The following TMEM132D variants were observed in gnomAD, a reference collection of about 807,000 sequenced individuals.
The protein encoded by TMEM132D is transmembrane protein 132D, also known as mature OL transmembrane protein.
In TMEM132D, 21 loss-of-function variants were observed where a neutral mutation model predicts 62.3. The ratio of observed to expected loss-of-function variants is 0.34; its 90% CI spans 0.24 to 0.49. The LOEUF is 0.49. Among genes scored for constraint, TMEM132D ranks in the 20% least tolerant of loss-of-function variants. The pLI is 0.99. For missense variants in TMEM132D, 1,346 were observed against 1,402.8 expected, an observed-to-expected ratio of 0.96 and a Z score of 0.65; for synonymous variants, 621 against 575.6, an observed-to-expected ratio of 1.08 and a Z score of -1.13.
At chr12:129,766,110 A>T (rs755387790) in intron 1 of TMEM132D, among the ~76,000 whole-genome samples, 30 of 152,022 alleles carry the variant, frequency 2.0e-4, no homozygotes, top group Non-Finnish European at 2.8e-4. Context: ...TCCTTCCTAC[A>T]CATTGTCCAG....
At chr12:129,634,736 T>C (rs993375597) in intron 2 of TMEM132D, among the ~76,000 whole-genome samples, 2 of 152,178 alleles carry the variant, frequency 1.3e-5, no homozygotes, top group African/African-American at 2.4e-5. Context: ...GTTATTTTGT[T>C]TTATAGAAAA....
chr12:129,436,651 G>A (rs1219533699), intron 3 of TMEM132D, among the ~76,000 whole-genome samples: 1 of 152,190 alleles, frequency 6.6e-6, no homozygotes, highest in Non-Finnish European at 1.5e-5. Flanking sequence ...TGAATTAGAT[G>A]CCTTTGTATC....
rs563451612 is a variant in TMEM132D, at chr12:129,314,256, G to A, written c.1299+23378C>T. Among the ~76,000 whole-genome samples, 41 of 152,222 alleles carry A rather than the reference G, an allele frequency of 2.7e-4. 1 individual carries two copies. The South Asian group carries it at 7.9e-3, about 29-fold the overall frequency. On this transcript the variant is annotated intron_variant, in intron 4 of 8. Coordinates refer to ENST00000422113, the MANE Select transcript of TMEM132D (RefSeq NM_133448.3). ...GAACTTCTGTAGTTTCAGGTCTTAG[G>A]TTTAAGTCCTTAATCCATCCTGAGT...
chr12:129,244,319 G>C (rs1415983843), intron 4 of TMEM132D, among the ~76,000 whole-genome samples: 1 of 149,788 alleles, frequency 6.7e-6, no homozygotes, highest in East Asian at 2.0e-4. Flanking sequence ...CCGGGAGGCG[G>C]AGCTTGCAGT....
intron 3 of TMEM132D, among the ~76,000 whole-genome samples, chr12:129,391,525 G>A (rs1448866847): frequency 6.6e-6 from 1 of 152,186 alleles, no homozygotes; most frequent in Non-Finnish European, 1.5e-5. Flanking sequence ...TGCACGGGCG[G>A]TGCCTGGACA....
chr12:129,751,331 A>T (rs1869994806), intron 1 of TMEM132D, among the ~76,000 whole-genome samples: 1 of 152,178 alleles, frequency 6.6e-6, no homozygotes, highest in Non-Finnish European at 1.5e-5. Flanking sequence ...CTTTGAAACC[A>T]TCAGTTGTCT....
At chr12:129,654,347 A>C (rs1880016421) in intron 2 of TMEM132D, among the ~76,000 whole-genome samples, 1 of 150,928 alleles carries the variant, frequency 6.6e-6, no homozygotes, top group Non-Finnish European at 1.5e-5. Context: ...TGCCACTATA[A>C]GATGCTCCTG....
intron 3 of TMEM132D, among the ~76,000 whole-genome samples, chr12:129,425,966 G>A (rs1382302891): frequency 6.6e-6 from 1 of 152,196 alleles, no homozygotes; most frequent in Non-Finnish European, 1.5e-5. Flanking sequence ...CAGATGCTTT[G>A]AGAATAGGAT....
chr12:129,899,376 G>A (rs1410682385), intron 1 of TMEM132D, among the ~76,000 whole-genome samples: 1 of 145,354 alleles, frequency 6.9e-6, no homozygotes, highest in African/African-American at 2.6e-5. Flanking sequence ...GGATGGACTG[G>A]TAGATGGATG....
At chr12:129,083,942 C>G (rs936218550) in intron 6 of TMEM132D, among the ~76,000 whole-genome samples, 7 of 152,140 alleles carry the variant, frequency 4.6e-5, no homozygotes, top group African/African-American at 1.7e-4. Flanking sequence ...AGCCTCAGAC[C>G]TCATTTCACC....
chr12:129,569,031 C>T (rs1877443806), intron 2 of TMEM132D, among the ~76,000 whole-genome samples: 1 of 152,190 alleles, frequency 6.6e-6, no homozygotes, highest in African/African-American at 2.4e-5. Flanking sequence ...GTACATCTAA[C>T]AAATGCTGCT....
chr12:129,090,623 G>A (rs1011878376), intron 5 of TMEM132D, among the ~76,000 whole-genome samples: 1 of 151,934 alleles, frequency 6.6e-6, no homozygotes, highest in Non-Finnish European at 1.5e-5. Context: ...AGCCAAGATT[G>A]TGCCACTGCA....
intron 4 of TMEM132D, among the ~76,000 whole-genome samples, chr12:129,224,438 A>G (rs1179856862): frequency 6.6e-6 from 1 of 152,234 alleles, no homozygotes; most frequent in East Asian, 1.9e-4. Context: ...AACGAATGCA[A>G]AAATTCTTGA....
intron 1 of TMEM132D, among the ~76,000 whole-genome samples, chr12:129,786,746 C>T (rs971142663): frequency 2.6e-5 from 4 of 152,166 alleles, no homozygotes; most frequent in African/African-American, 9.7e-5. Flanking sequence ...CAAATATTGG[C>T]TGAGCTTGGT....
intron 2 of TMEM132D, among the ~76,000 whole-genome samples, chr12:129,659,823 A>T (rs936946913): frequency 1.3e-5 from 2 of 152,176 alleles, no homozygotes; most frequent in African/African-American, 4.8e-5. Flanking sequence ...TATTCTCTAA[A>T]TTTTCAGGGA....
chr12:129,461,486 A>C (rs1207378996), intron 3 of TMEM132D, among the ~76,000 whole-genome samples: 2 of 152,080 alleles, frequency 1.3e-5, no homozygotes, highest in Admixed American at 1.3e-4. Context: ...AAAGAAGACA[A>C]AGAGAGCCCA....
chr12:129,838,651 T>C (rs1240759361), intron 1 of TMEM132D, among the ~76,000 whole-genome samples: 1 of 152,016 alleles, frequency 6.6e-6, no homozygotes, highest in African/African-American at 2.4e-5. Flanking sequence ...TAGAAAGTAA[T>C]CAAAAAGAGA....
At chr12:129,354,544 A>C (rs1331789572) in intron 3 of TMEM132D, among the ~76,000 whole-genome samples, 2 of 152,136 alleles carry the variant, frequency 1.3e-5, no homozygotes, top group Admixed American at 6.5e-5. Flanking sequence ...GGCTGGTCTC[A>C]AACTCCTGAC....
intron 3 of TMEM132D, among the ~76,000 whole-genome samples, chr12:129,439,861 A>G (rs1236830181): frequency 1.3e-5 from 2 of 152,016 alleles, no homozygotes; most frequent in African/African-American, 4.8e-5. Flanking sequence ...TCAGGCTTGG[A>G]TGTGTGCTTT....
Sources: allele counts gnomAD v4.1 joint callset (sites outside exome capture counted in the v4.1 genomes callset), GRCh38; gene constraint gnomAD v4.1.1; transcripts MANE v1.5; gene names NCBI Gene and HGNC (gene_info 2026-07-23, HGNC 2026-07-21).